The following SMYD3 variants were observed in gnomAD, a reference collection of about 807,000 sequenced individuals.
SMYD3 encodes histone-lysine N-methyltransferase SMYD3.
SMYD3 carries 36 observed loss-of-function variants against 57.7 expected under a neutral mutation model. The ratio of observed to expected loss-of-function variants is 0.62; its 90% CI spans 0.48 to 0.82. The LOEUF is 0.82. SMYD3 is among the 40% of genes least tolerant of loss of function. The probability of loss-of-function intolerance (pLI) is 0.00; values close to 1 mark genes in which losing one functional copy is unlikely to be tolerated. For synonymous variants in SMYD3, 211 were observed against 195.0 expected, an observed-to-expected ratio of 1.08 and a Z score of -0.68; for missense variants, 515 against 538.8, an observed-to-expected ratio of 0.96 and a Z score of 0.44.
chr1:246,466,411 C>A (rs996869528), intron 1 of SMYD3, among the ~76,000 whole-genome samples: 1 of 152,108 alleles, frequency 6.6e-6, no homozygotes, highest in African/African-American at 2.4e-5. Context: ...TCATCCTTAG[C>A]AAACTAACAC....
chr1:246,177,961 G>T (rs560092215), intron 5 of SMYD3, among the ~76,000 whole-genome samples: 1 of 152,278 alleles, frequency 6.6e-6, no homozygotes, highest in South Asian at 2.1e-4. Context: ...TTCAAAAAGG[G>T]TGCTGCCTCC....
rs576670084 is a variant in SMYD3 at position 246,152,385 on chromosome 1, G to A, written c.531+174816C>T. On this transcript the variant is annotated intron_variant, in intron 5 of 11. Transcript: ENST00000490107. ...GCTTGTCATTGGCTATGTGAAGACCGAGCATGGAAGTACCATGTTGTTGCT... is the reference window on the plus strand; with the variant it reads ...GCTTGTCATTGGCTATGTGAAGACCAAGCATGGAAGTACCATGTTGTTGCT... Among the ~76,000 whole-genome samples, 148 of 152,344 alleles carry A rather than the reference G, an allele frequency of 9.7e-4. 1 individual carries two copies. The highest frequency in any genetic ancestry group is 3.5e-3 in the African/African-American group (144 of 41,588).
At chr1:245,830,100 ATTATATG>A (rs918468268) in intron 10 of SMYD3, among the ~76,000 whole-genome samples, 2 of 152,312 alleles carry the variant, frequency 1.3e-5, no homozygotes, top group African/African-American at 4.8e-5. Context: ...TAAATGAGTA[ATTATATG>A]TTATATGAAT....
intron 10 of SMYD3, among the ~76,000 whole-genome samples, chr1:245,804,303 G>GT (rs1478770809): frequency 1.3e-5 from 2 of 152,174 alleles, no homozygotes; most frequent in African/African-American, 4.8e-5. Context: ...AAATTAATGT[G>GT]TTAAAACTTA....
At chr1:245,959,757 T>C (rs2147982505) in intron 5 of SMYD3, among the ~76,000 whole-genome samples, 1 of 152,290 alleles carries the variant, frequency 6.6e-6, no homozygotes, top group East Asian at 1.9e-4. Context: ...CTCTGTTTTT[T>C]TAGTTCACTG....
At chr1:246,251,183 G>A (rs934460023) in intron 5 of SMYD3, among the ~76,000 whole-genome samples, 1 of 152,192 alleles carries the variant, frequency 6.6e-6, no homozygotes, top group Non-Finnish European at 1.5e-5. Flanking sequence ...TGAGTTGGGA[G>A]CAGGGGTTGT....
intron 5 of SMYD3, among the ~76,000 whole-genome samples, chr1:245,967,209 ATTATCT>A (rs2058178030): frequency 6.6e-6 from 1 of 152,150 alleles, no homozygotes; most frequent in Non-Finnish European, 1.5e-5. Context: ...GTAATACCAT[ATTATCT>A]TTATTAATCT....
At chr1:245,954,902 A>G (rs2057781500) in intron 5 of SMYD3, among the ~76,000 whole-genome samples, 1 of 152,168 alleles carries the variant, frequency 6.6e-6, no homozygotes. Flanking sequence ...ATCTTTTTTA[A>G]AAACAGATTT....
intron 5 of SMYD3, among the ~76,000 whole-genome samples, chr1:246,037,579 C>T (rs1249630988): frequency 6.6e-6 from 1 of 152,240 alleles, no homozygotes; most frequent in Non-Finnish European, 1.5e-5. Context: ...GATGACCCAT[C>T]TTTCCTGCTC....
intron 5 of SMYD3, among the ~76,000 whole-genome samples, chr1:246,211,113 T>C (rs2063079515): frequency 6.6e-6 from 1 of 151,924 alleles, no homozygotes; most frequent in African/African-American, 2.4e-5. Flanking sequence ...ATTTTTCTAT[T>C]ATAGGAAAAA....
At chr1:246,166,775 A>G (rs368543336) in intron 5 of SMYD3, among the ~76,000 whole-genome samples, 271 of 152,304 alleles carry the variant, frequency 1.8e-3, no homozygotes, top group African/African-American at 6.1e-3. Context: ...TAACTTAGTC[A>G]TTATTGTTTT....
At chr1:246,054,972 G>C (rs570953616) in intron 5 of SMYD3, among the ~76,000 whole-genome samples, 1 of 151,004 alleles carries the variant, frequency 6.6e-6, no homozygotes, top group Non-Finnish European at 1.5e-5. Context: ...TCAGGAGATC[G>C]TGACCATCCT....
chr1:246,406,469 T>C (rs1047808395), intron 1 of SMYD3, among the ~76,000 whole-genome samples: 4 of 152,208 alleles, frequency 2.6e-5, no homozygotes, highest in African/African-American at 4.8e-5. Flanking sequence ...TCAACACATA[T>C]GATCTGTTTC....
At chr1:246,232,855 C>T (rs564471253) in intron 5 of SMYD3, among the ~76,000 whole-genome samples, 8 of 129,772 alleles carry the variant, frequency 6.2e-5, no homozygotes, top group East Asian at 3.8e-4. Flanking sequence ...AGGGGAGAAG[C>T]GCTCCTCAAT....
intron 5 of SMYD3, among the ~76,000 whole-genome samples, chr1:246,191,083 C>T (rs766054273): frequency 2.0e-5 from 3 of 152,214 alleles, no homozygotes; most frequent in South Asian, 2.1e-4. Context: ...ACGGAGAAAA[C>T]GCACCTCACG....
intron 5 of SMYD3, among the ~76,000 whole-genome samples, chr1:246,086,715 T>G (rs1214759495): frequency 6.6e-6 from 1 of 152,016 alleles, no homozygotes; most frequent in Non-Finnish European, 1.5e-5. Context: ...TTTTTTTTAA[T>G]TTTTTTAATT....
chr1:246,185,377 C>T (rs1412120082), intron 5 of SMYD3, among the ~76,000 whole-genome samples: 5 of 151,282 alleles, frequency 3.3e-5, no homozygotes, highest in African/African-American at 1.2e-4. Flanking sequence ...GCTGGGACTG[C>T]AGGTGCCCGC....
intron 5 of SMYD3, among the ~76,000 whole-genome samples, chr1:246,049,756 T>C (rs1170161801): frequency 6.6e-6 from 1 of 152,212 alleles, no homozygotes; most frequent in African/African-American, 2.4e-5. Context: ...AAACACATTG[T>C]AAATTATCAT....
At chr1:246,137,075 T>C (rs941631899) in intron 5 of SMYD3, among the ~76,000 whole-genome samples, 2 of 152,224 alleles carry the variant, frequency 1.3e-5, no homozygotes, top group Admixed American at 6.5e-5. Flanking sequence ...TGATCATGCA[T>C]ATACTAGAAT....
Sources: allele counts gnomAD v4.1 joint callset (sites outside exome capture counted in the v4.1 genomes callset), GRCh38; gene constraint gnomAD v4.1.1; transcripts MANE v1.5; gene names NCBI Gene and HGNC (gene_info 2026-07-23, HGNC 2026-07-21).